The following UBN2 variants were observed in gnomAD, a reference collection of about 807,000 sequenced individuals.
UBN2 encodes the protein ubinuclein-2.
In UBN2, 35 loss-of-function variants were observed where a neutral mutation model predicts 120.2. The observed-to-expected ratio is 0.29, with a 90% CI of 0.22 to 0.39. The LOEUF (loss-of-function observed/expected upper bound fraction) is 0.39. Ranked by LOEUF, UBN2 falls within the 10% of genes least tolerant of loss-of-function variation. UBN2 has a pLI of 1.00. For synonymous variants in UBN2, 661 were observed against 648.7 expected (o/e 1.02, Z -0.29); for missense variants, 1,693 against 1,663.2 (o/e 1.02, Z -0.31).
At chr7:139,269,315 C>A in intron 7 of UBN2, 79 bp from the exon 8 acceptor site, 3 of 1,374,510 alleles carry the variant, frequency 2.2e-6, no homozygotes, top group South Asian at 1.5e-5. Context: ...AGAACAAGAA[C>A]TGGCTTTGCT....
At chr7:139,311,876 T>C (rs1369812850), downstream of UBN2, among the ~76,000 whole-genome samples, 1 of 152,214 alleles carries the variant, frequency 6.6e-6, no homozygotes. Context: ...GGTTTAGATG[T>C]AGCGTCATGG....
In UBN2 at chr7:139,261,743, T is replaced by G. The variant is rs1450137589; in HGVS notation, c.1395+2T>G. On this transcript the variant is annotated splice_donor_variant, in intron 6 of 17. Coordinates refer to ENST00000473989, the MANE Select transcript of UBN2 (RefSeq NM_173569.4). LOFTEE classifies it high-confidence loss of function. Reference sequence around the variant, plus strand: ...AAACGTATCGAAGACCTTCGTGTAGTAAGTGTAATAATTCTCTTGCTTTTT... The same window carrying G: ...AAACGTATCGAAGACCTTCGTGTAGGAAGTGTAATAATTCTCTTGCTTTTT... 1 of 1,602,840 alleles carries G rather than the reference T, an allele frequency of 6.2e-7. No homozygotes were observed. The highest frequency in any genetic ancestry group is 8.5e-7 in the Non-Finnish European group (1 of 1,172,090).
At chr7:139,256,527 C>G (rs1796771247) in intron 3 of UBN2, among the ~76,000 whole-genome samples, 1 of 152,054 alleles carries the variant, frequency 6.6e-6, no homozygotes, top group African/African-American at 2.4e-5. Flanking sequence ...GTAATATTTG[C>G]CTTTCTTACC....
the UBN2 span, among the ~76,000 whole-genome samples, chr7:139,328,379 A>T: frequency 2.0e-5 from 3 of 152,194 alleles, no homozygotes; most frequent in Non-Finnish European, 4.4e-5. Flanking sequence ...CACCCCCATG[A>T]TCCAATCACC....
the UBN2 span, among the ~76,000 whole-genome samples, chr7:139,320,328 G>A: frequency 2.6e-5 from 4 of 151,776 alleles, no homozygotes; most frequent in African/African-American, 7.3e-5. Context: ...CCGGCGTGGT[G>A]GCAGGCACCT....
Position 139,293,226 on chromosome 7 carries a change from G to T in UBN2, c.3670-6G>T. The T allele has an allele frequency of 6.2e-7, 1 of 1,612,686 alleles. No homozygotes were observed. Among genetic ancestry groups the T allele is most frequent in the Non-Finnish European group, 8.5e-7 (1 of 1,178,730 alleles). ...TTATGTATTTTGACCCCTGGTTTCTGCACAGTCCACAGCAGGAGCATCATT... is the reference window on the plus strand; with the variant it reads ...TTATGTATTTTGACCCCTGGTTTCTTCACAGTCCACAGCAGGAGCATCATT... On this transcript the variant is annotated splice_region_variant and splice_polypyrimidine_tract_variant and intron_variant, in intron 15 of 17. Transcript: ENST00000473989.
At chr7:139,274,551 T>A (rs1797383543) in intron 11 of UBN2, among the ~76,000 whole-genome samples, 1 of 151,534 alleles carries the variant, frequency 6.6e-6, no homozygotes, top group Admixed American at 6.6e-5. Flanking sequence ...TCACCTGAGG[T>A]CGGGAGTTCA....
intron 9 of UBN2, 118 bp from the exon 10 acceptor site, chr7:139,273,179 T>G: frequency 1.8e-6 from 1 of 552,402 alleles, no homozygotes; most frequent in South Asian, 4.9e-5. Flanking sequence ...AAAGGTAGAT[T>G]CCGTCTTTAC....
intron 8 of UBN2, among the ~76,000 whole-genome samples, chr7:139,270,935 G>C (rs1797253857): frequency 6.6e-6 from 1 of 151,978 alleles, no homozygotes; most frequent in African/African-American, 2.4e-5. Flanking sequence ...GTAGAGACGG[G>C]ATTTCTCCAT....
chr7:139,316,267 A>G, the UBN2 span, among the ~76,000 whole-genome samples: 2 of 151,948 alleles, frequency 1.3e-5, no homozygotes, highest in African/African-American at 2.4e-5. Context: ...TGTGCTTAGT[A>G]AGTTCTTAGT....
chr7:139,281,940 G>GA, intron 13 of UBN2, 65 bp from the exon 14 acceptor site: 1 of 1,528,654 alleles, frequency 6.5e-7, no homozygotes, highest in Non-Finnish European at 9.0e-7. Flanking sequence ...TAAAAGCTTA[G>GA]AAAAAATACT....
At chr7:139,270,790 G>A (rs1304881073) in intron 8 of UBN2, among the ~76,000 whole-genome samples, 1 of 151,986 alleles carries the variant, frequency 6.6e-6, no homozygotes, top group Non-Finnish European at 1.5e-5. Context: ...TGTTGCCCAG[G>A]CTGGAGTGCA....
the UBN2 span, among the ~76,000 whole-genome samples, chr7:139,323,717 G>A: frequency 4.0e-5 from 6 of 151,880 alleles, no homozygotes; most frequent in Non-Finnish European, 8.8e-5. Context: ...AGCCTCCTGA[G>A]TAGCTGGGAT....
rs1798374425 is a variant in UBN2 at position 139,307,294 on chromosome 7, T to G, written c.*9458T>G. On this transcript the variant is annotated 3_prime_UTR_variant, in exon 18 of 18. Coordinates refer to ENST00000473989, the MANE Select transcript of UBN2 (RefSeq NM_173569.4). ...GGATATACTGTATTTCAAATAAGTG[T>G]GTGACTTAATATTTTGGGATTTTTT... is the stretch of plus-strand genomic sequence containing the variant. The G allele has an allele frequency of 6.6e-6, 1 of 152,172 alleles. No homozygotes were observed. Among genetic ancestry groups the G allele is most frequent in the Admixed American group, 6.5e-5 (1 of 15,282 alleles). The allele number at this position is 152,172 out of a possible 1,614,324, so 9.4% of individuals were successfully genotyped here.
At position 139,307,690 on chromosome 7, in the gene UBN2, C is replaced by T. The variant is rs1054739241; in HGVS notation, c.*9854C>T. 2 of 152,052 alleles carry T rather than the reference C, an allele frequency of 1.3e-5. No homozygotes were observed. Among genetic ancestry groups the T allele is most frequent in the Non-Finnish European group, 2.9e-5 (2 of 68,014 alleles). The allele number at this position is 152,052 out of a possible 1,614,324, so 9.4% of individuals were successfully genotyped here. On this transcript the variant is annotated 3_prime_UTR_variant, in exon 18 of 18. Transcript: ENST00000473989. ...AGGTATTTCCATTTGGTTAACTAAA[C>T]GCTAGCTACCAGGAAATGACGCAGA...
intron 1 of UBN2, among the ~76,000 whole-genome samples, chr7:139,234,739 A>G (rs184763780): frequency 5.2e-4 from 79 of 152,368 alleles, no homozygotes; most frequent in Admixed American, 9.1e-4. Flanking sequence ...CCATTTGTGA[A>G]CATGCTTAAT....
intron 2 of UBN2, among the ~76,000 whole-genome samples, chr7:139,251,260 A>G (rs1444097494): frequency 1.3e-5 from 2 of 152,212 alleles, no homozygotes; most frequent in African/African-American, 2.4e-5. Flanking sequence ...GTTCCCATAC[A>G]GCCTTCACCC....
In UBN2 at chr7:139,300,976, A is replaced by G. The variant is rs933461733; in HGVS notation, c.*3140A>G. On this transcript the variant is annotated 3_prime_UTR_variant, in exon 18 of 18. Transcript: ENST00000473989. Reference sequence around the variant, plus strand: ...GAGGGTAAATGAAATCGTGATTTTAAAACAGCCTGAAGAAAAAGGTTTTGG... The same window carrying G: ...GAGGGTAAATGAAATCGTGATTTTAGAACAGCCTGAAGAAAAAGGTTTTGG... 6.6e-6 allele frequency: 1 copy of G among 152,224 alleles called. No individual in the cohort carries two copies. Among genetic ancestry groups the G allele is most frequent in the African/African-American group, 2.4e-5 (1 of 41,454 alleles). The allele number at this position is 152,224 out of a possible 1,614,324, so 9.4% of individuals were successfully genotyped here.
chr7:139,244,579 A>G (rs1056494273), intron 2 of UBN2, among the ~76,000 whole-genome samples: 2 of 152,086 alleles, frequency 1.3e-5, no homozygotes, highest in African/African-American at 2.4e-5. Context: ...CAAATAATAC[A>G]TATTACATCA....
Sources: allele counts gnomAD v4.1 joint callset (sites outside exome capture counted in the v4.1 genomes callset), GRCh38; gene constraint gnomAD v4.1.1; transcripts MANE v1.5; gene names NCBI Gene and HGNC (gene_info 2026-07-23, HGNC 2026-07-21).